Variants in ANOS1 observed in about 807,000 individuals in gnomAD.
The protein encoded by ANOS1 is anosmin 1.
ANOS1 carries 6 observed loss-of-function variants against 59.0 expected under a neutral mutation model. The ratio of observed to expected loss-of-function variants is 0.10; its 90% confidence interval spans 0.06 to 0.20. The LOEUF (loss-of-function observed/expected upper bound fraction) is 0.20, where lower values mean the gene tolerates loss of function less well. Among genes scored for constraint, ANOS1 ranks in the 10% least tolerant of loss-of-function variants. The pLI is 1.00. For missense variants in ANOS1, 433 were observed against 542.3 expected, an observed-to-expected ratio of 0.80 and a Z score of 2.00; for synonymous variants, 217 against 223.4, an observed-to-expected ratio of 0.97 and a Z score of 0.25.
At chrX:8,677,240 C>A (rs1381855336) in intron 2 of ANOS1, among the ~76,000 whole-genome samples, 2 of 111,319 alleles carry the variant, frequency 1.8e-5, no homozygotes, top group Non-Finnish European at 1.9e-5. Context: ...TCCCTGACCG[C>A]CCCCACTAGA....
intron 5 of ANOS1, among the ~76,000 whole-genome samples, chrX:8,585,857 C>A (rs1416869860): frequency 9.0e-6 from 1 of 111,652 alleles, no homozygotes; most frequent in Non-Finnish European, 1.9e-5. Flanking sequence ...AAGTATAACC[C>A]AAGCCACTGT....
At chrX:8,612,023 T>C (rs956275268) in intron 3 of ANOS1, among the ~76,000 whole-genome samples, 3 of 112,003 alleles carry the variant, frequency 2.7e-5, no homozygotes, top group African/African-American at 9.7e-5. Context: ...AGAAGTATGA[T>C]TTAGGACACT....
chrX:8,545,382 G>GGGAAGGAA (rs56104485), intron 9 of ANOS1, among the ~76,000 whole-genome samples: 13,285 of 98,910 alleles, frequency 0.13, 904 homozygotes, highest in Middle Eastern at 0.21. Context: ...GGAAAGGAAA[G>GGGAAGGAA]GGAAGGAAGG....
At chrX:8,566,322 T>C (rs1930111876) in intron 8 of ANOS1, 1 of 613,535 alleles carries the variant, frequency 1.6e-6, no homozygotes. Flanking sequence ...CTAGGAATAA[T>C]GTATGTGTGT....
chrX:8,711,812 C>A lies in ANOS1; in HGVS notation c.208-12067G>T, dbSNP rs58565286. On this transcript the variant is annotated intron_variant, in intron 1 of 13. Coordinates refer to ENST00000262648, the MANE Select transcript of ANOS1 (RefSeq NM_000216.4). The stretch of plus-strand genomic sequence containing the variant: ...TCCAGTGCCTTATAAATAAGAGCAG[C>A]CTAATTAATTTCTACATTGTATGGT... Among the ~76,000 whole-genome samples, 469 of 112,530 alleles carry A rather than the reference C, an allele frequency of 4.2e-3. 2 individuals are homozygous for A. The highest frequency in any genetic ancestry group is 0.014 in the African/African-American group (442 of 31,043).
Position 8,646,744 on chromosome X carries a change from C to T in ANOS1, c.256-23074G>A, listed in dbSNP as rs148172488. Among the ~76,000 whole-genome samples the T allele has an allele frequency of 4.3e-3, 468 of 108,725 alleles. 2 individuals carry two copies. The highest frequency in any genetic ancestry group is 0.015 in the African/African-American group (452 of 29,835). The allele number at this position is 108,725 out of a possible 115,157, so 94.4% of individuals were successfully genotyped here. On this transcript the variant is annotated intron_variant, in intron 2 of 13. Coordinates refer to ENST00000262648, the MANE Select transcript of ANOS1 (RefSeq NM_000216.4). ...GGTCAGGAGTTCAAGACGAGCTTGGCCAACATCATGAAACCCTACCTCTAC... is the reference window on the plus strand; with the variant it reads ...GGTCAGGAGTTCAAGACGAGCTTGGTCAACATCATGAAACCCTACCTCTAC...
chrX:8,715,287 G>A (rs73199074), intron 1 of ANOS1, among the ~76,000 whole-genome samples: 5,666 of 110,550 alleles, frequency 0.051, 157 homozygotes, highest in African/African-American at 0.1. Context: ...TTTTTTCAGA[G>A]ACAGGGTCTC....
chrX:8,624,011 CTTTTTT>C (rs566769185), intron 2 of ANOS1, among the ~76,000 whole-genome samples: 45 of 69,391 alleles, frequency 6.5e-4, no homozygotes, highest in Middle Eastern at 8.7e-3. Context: ...CTTTTCTTTT[CTTTTTT>C]TTTTTTTTTT....
chrX:8,594,643 CATATATATATATGTGTATAT>C (rs1930678867), intron 4 of ANOS1, among the ~76,000 whole-genome samples: 1 of 45,679 alleles, frequency 2.2e-5, no homozygotes, highest in Non-Finnish European at 3.9e-5. Context: ...AAAAAATCTA[CATATATATATATGTGTATAT>C]ATATATATAT....
intron 2 of ANOS1, among the ~76,000 whole-genome samples, chrX:8,624,306 G>T (rs1270186149): frequency 2.7e-5 from 3 of 111,419 alleles, no homozygotes; most frequent in African/African-American, 9.8e-5. Flanking sequence ...GTGAGCCACT[G>T]CGCCCAGCCA....
chrX:8,657,561 C>T (rs1343810327), intron 2 of ANOS1, among the ~76,000 whole-genome samples: 16 of 107,513 alleles, frequency 1.5e-4, no homozygotes, highest in Admixed American at 4.0e-4. Flanking sequence ...CTCTGCCTCC[C>T]GGGTTCAAGC....
At chrX:8,693,418 C>T (rs1932635765) in intron 2 of ANOS1, among the ~76,000 whole-genome samples, 1 of 111,752 alleles carries the variant, frequency 8.9e-6, no homozygotes, top group Non-Finnish European at 1.9e-5. Context: ...CTGTGGCTCA[C>T]TCAAATAGTT....
In ANOS1 at chrX:8,646,011, C is replaced by A. The variant is rs749971527; in HGVS notation, c.256-22341G>T. The stretch of plus-strand genomic sequence containing the variant: ...CAATGTTGGCCAGGCTGGTCTTGAA[C>A]TCCTGACCTCAGGTGATCCACCCCC... On this transcript the variant is annotated intron_variant, in intron 2 of 13. Transcript: ENST00000262648. 1.6e-3 allele frequency among the ~76,000 whole-genome samples: 178 copies of A among 109,447 alleles called. 1 individual carries two copies. The highest frequency in any genetic ancestry group is 5.7e-3 in the African/African-American group (170 of 30,000).
At chrX:8,585,809 A>G (rs1484370734) in intron 5 of ANOS1, among the ~76,000 whole-genome samples, 1 of 112,285 alleles carries the variant, frequency 8.9e-6, no homozygotes, top group Non-Finnish European at 1.9e-5. Flanking sequence ...AATAGGTATA[A>G]CAACCCACAT....
rs183250129 is a variant in ANOS1, at chrX:8,641,792, A to T, written c.256-18122T>A. Among the ~76,000 whole-genome samples the T allele has an allele frequency of 5.4e-5, 6 of 111,836 alleles. No homozygotes were observed. The East Asian group carries it at 1.7e-3, about 31-fold the overall frequency. ...ATCTTTTCTAAAAAGTATTCATCAA[A>T]ATTCCCCGAAAACTGATTTAAGATT... is the stretch of plus-strand genomic sequence containing the variant. On this transcript the variant is annotated intron_variant, in intron 2 of 13. Coordinates refer to ENST00000262648, the MANE Select transcript of ANOS1 (RefSeq NM_000216.4).
Position 8,696,557 on chromosome X carries a change from C to T in ANOS1, c.255+3141G>A, listed in dbSNP as rs963957813. On this transcript the variant is annotated intron_variant, in intron 2 of 13. Coordinates refer to ENST00000262648, the MANE Select transcript of ANOS1 (RefSeq NM_000216.4). ...CCCCTAAAAAGGTGCTTGGCACATA[C>T]CTTGTACTCAGTAAACTACACATTT... is the stretch of plus-strand genomic sequence containing the variant. Among the ~76,000 whole-genome samples the T allele has an allele frequency of 4.4e-5, 5 of 112,426 alleles. No homozygotes were observed. The Admixed American group carries it at 4.7e-4, about 11-fold the overall frequency.
chrX:8,538,394 A>G (rs1437589217), intron 10 of ANOS1, among the ~76,000 whole-genome samples: 3 of 112,216 alleles, frequency 2.7e-5, no homozygotes, highest in Non-Finnish European at 5.6e-5. Context: ...CTAAATACAG[A>G]TAAGTTCTAA....
At chrX:8,659,699 G>A (rs1346720122) in intron 2 of ANOS1, among the ~76,000 whole-genome samples, 2 of 107,041 alleles carry the variant, frequency 1.9e-5, no homozygotes, top group Admixed American at 1.0e-4. Context: ...TGCAATCTTG[G>A]CTCACTGCAA....
intron 2 of ANOS1, among the ~76,000 whole-genome samples, chrX:8,637,663 T>C (rs964961343): frequency 1.8e-5 from 2 of 111,791 alleles, no homozygotes; most frequent in African/African-American, 3.2e-5. Context: ...TAAAGCTATA[T>C]GGCTGGTAGC....
Sources: allele counts gnomAD v4.1 joint callset (sites outside exome capture counted in the v4.1 genomes callset), GRCh38; gene constraint gnomAD v4.1.1; transcripts MANE v1.5; gene names NCBI Gene and HGNC (gene_info 2026-07-23, HGNC 2026-07-21).